RUNX1: variants seen among roughly 807,000 people sequenced by gnomAD.
RUNX1 encodes runt-related transcription factor 1.
In RUNX1, 19 loss-of-function variants were observed where a neutral mutation model predicts 42.8. The observed-to-expected ratio is 0.44, with a 90% CI of 0.31 to 0.65. The LOEUF (loss-of-function observed/expected upper bound fraction) is 0.65. Ranked by LOEUF, RUNX1 falls within the 30% of genes least tolerant of loss-of-function variation. RUNX1 has a pLI of 0.07. For synonymous variants in RUNX1, 271 were observed against 289.4 expected, an observed-to-expected ratio of 0.94 and a Z score of 0.64; for missense variants, 528 against 672.0, an observed-to-expected ratio of 0.79 and a Z score of 2.37.
At chr21:35,038,575 CT>C (rs1241354308) in intron 2 of RUNX1, 3 of 122,590 alleles carry the variant, frequency 2.4e-5, no homozygotes, top group Non-Finnish European at 1.8e-5. Flanking sequence ...ATGCTGGCCT[CT>C]CTCTCTCTCT....
At chr21:34,974,202 C>T (rs1569132879) in intron 2 of RUNX1, among the ~76,000 whole-genome samples, 3 of 152,214 alleles carry the variant, frequency 2.0e-5, no homozygotes, top group Admixed American at 6.5e-5. Context: ...AATCATCACA[C>T]GAGCAAGACT....
chr21:35,011,784 A>G (rs180949613), intron 2 of RUNX1, among the ~76,000 whole-genome samples: 5 of 152,278 alleles, frequency 3.3e-5, no homozygotes, highest in Admixed American at 6.5e-5. Context: ...GATTTAGGGC[A>G]CCCTCGCTAC....
intron 2 of RUNX1, among the ~76,000 whole-genome samples, chr21:34,976,507 G>A (rs2058803128): frequency 6.6e-6 from 1 of 152,144 alleles, no homozygotes; most frequent in African/African-American, 2.4e-5. Flanking sequence ...ATCCCCCTGG[G>A]TGCAATATTG....
intron 6 of RUNX1, among the ~76,000 whole-genome samples, chr21:34,842,339 A>T (rs996902750): frequency 6.6e-6 from 1 of 151,556 alleles, no homozygotes; most frequent in Non-Finnish European, 1.5e-5. Context: ...CTAAAAATAT[A>T]AAAAAATTAG....
At chr21:34,830,595 G>A (rs148918887) in intron 7 of RUNX1, among the ~76,000 whole-genome samples, 29 of 152,256 alleles carry the variant, frequency 1.9e-4, no homozygotes, top group African/African-American at 5.8e-4. Context: ...AAGAGTGCAC[G>A]CCCAGGGAAC....
rs113766536 is a variant in RUNX1 at position 34,910,788 on chromosome 21, C to CT, written c.59-17826dup. Among the ~76,000 whole-genome samples the CT allele has an allele frequency of 4.0e-3, 583 of 146,898 alleles. 1 individual carries two copies. The highest frequency in any genetic ancestry group is 7.0e-3 in the Middle Eastern group (2 of 284). On this transcript the variant is annotated intron_variant, in intron 2 of 8. Transcript: ENST00000675419. ...TTTTTGTCGTTATGTTATTGTTGTT[C>CT]TTTTTTTTTTTGAAACAAGGTCTCA...
rs768835446 is a variant in RUNX1, at chr21:34,788,762, C to T, written c.*3373G>A. The T allele has an allele frequency of 3.4e-5, 8 of 233,438 alleles. No individual in the cohort carries two copies. The highest frequency in any genetic ancestry group is 3.6e-4 in the South Asian group (2 of 5,518). 14.5% of individuals were successfully genotyped at this position (233,438 alleles called of 1,614,324 possible). A position where few individuals can be genotyped will look rare whatever the true frequency, so the allele number is the denominator to read the frequency against. ...AATCCCAAAACAAATGTATACGCTA[C>T]GGTAAACAAAAAGGCATTTTGTTCA... On this transcript the variant is annotated 3_prime_UTR_variant, in exon 9 of 9. Coordinates refer to ENST00000675419, the MANE Select transcript of RUNX1 (RefSeq NM_001754.5).
At chr21:34,998,837 G>A (rs964609139) in intron 2 of RUNX1, among the ~76,000 whole-genome samples, 14 of 152,102 alleles carry the variant, frequency 9.2e-5, no homozygotes, top group Admixed American at 2.6e-4. Context: ...CACCGTGCCC[G>A]GCCTCTTTTT....
At chr21:34,997,045 C>T (rs73900765) in intron 2 of RUNX1, among the ~76,000 whole-genome samples, 21,995 of 152,180 alleles carry the variant, frequency 0.14, 1,754 homozygotes, top group Admixed American at 0.22. Flanking sequence ...GAAATTTACT[C>T]GGGAGAAGAA....
chr21:34,993,772 C>T (rs1166636314), intron 2 of RUNX1, among the ~76,000 whole-genome samples: 1 of 136,596 alleles, frequency 7.3e-6, no homozygotes, highest in African/African-American at 3.6e-5. Flanking sequence ...CAGGCGCACA[C>T]ACACAGACAC....
intron 2 of RUNX1, among the ~76,000 whole-genome samples, chr21:34,968,853 C>G (rs2058739996): frequency 6.6e-6 from 1 of 152,152 alleles, no homozygotes; most frequent in African/African-American, 2.4e-5. Context: ...CTGAACTCTG[C>G]AGCGAGTGCC....
chr21:34,793,730 G>A (rs529746104), intron 8 of RUNX1, among the ~76,000 whole-genome samples: 1 of 150,180 alleles, frequency 6.7e-6, no homozygotes, highest in Admixed American at 6.6e-5. Flanking sequence ...TGGAGACAAA[G>A]TCTCGCTCTG....
intron 6 of RUNX1, among the ~76,000 whole-genome samples, chr21:34,847,332 G>A (rs2057330952): frequency 6.6e-6 from 1 of 152,038 alleles, no homozygotes; most frequent in African/African-American, 2.4e-5. Context: ...GATTCACAGT[G>A]GGGTCTGATT....
Position 34,907,962 on chromosome 21 carries a change from C to A in RUNX1, c.59-14999G>T, listed in dbSNP as rs1210733141. On this transcript the variant is annotated intron_variant, in intron 2 of 8. Transcript: ENST00000675419. This position sits in a 1 kb window ranked among gnomAD's most constrained non-coding sequence, Gnocchi z 5.3. The stretch of plus-strand genomic sequence containing the variant: ...GAAAAGTGAGTGGCTCTTCTAAGCT[C>A]CCGAAACAGTGGCTGATCTGGGACC... Among the ~76,000 whole-genome samples, 2 of 152,170 alleles carry A rather than the reference C, an allele frequency of 1.3e-5. No homozygotes were observed. The highest frequency in any genetic ancestry group is 2.9e-5 in the Non-Finnish European group (2 of 68,042).
intron 2 of RUNX1, among the ~76,000 whole-genome samples, chr21:34,932,980 A>G (rs1402894628): frequency 1.3e-5 from 2 of 152,080 alleles, no homozygotes; most frequent in Admixed American, 6.6e-5. Flanking sequence ...TTCTACTCCT[A>G]TTTCTCACTT....
intron 6 of RUNX1, 97 bp downstream of exon 6, chr21:34,859,377 G>A (rs1224111988): frequency 2.0e-6 from 2 of 1,025,508 alleles, no homozygotes; most frequent in African/African-American, 3.2e-5. Context: ...TGGGGGAAAG[G>A]TTGAACCCAA....
chr21:35,020,551 A>G (rs1240876553), intron 2 of RUNX1, among the ~76,000 whole-genome samples: 1 of 152,214 alleles, frequency 6.6e-6, no homozygotes, highest in African/African-American at 2.4e-5. Context: ...GCTTATGCAA[A>G]GGAATTTCCA....
chr21:34,835,478 A>C (rs772607495), intron 6 of RUNX1, among the ~76,000 whole-genome samples: 2 of 152,012 alleles, frequency 1.3e-5, no homozygotes, highest in Non-Finnish European at 2.9e-5. Flanking sequence ...AAGTGTCCTC[A>C]TCATGCTCTT....
intron 3 of RUNX1, among the ~76,000 whole-genome samples, chr21:34,890,133 G>T (rs979675669): frequency 2.0e-5 from 3 of 151,942 alleles, no homozygotes; most frequent in African/African-American, 4.8e-5. Flanking sequence ...GGGGTTGACT[G>T]GCGTGGAGGC....
Sources: gnomAD v4.1 joint callset for allele counts (sites outside exome capture counted in the v4.1 genomes callset) on GRCh38, gnomAD v4.1.1 for gene constraint, Gnocchi (gnomAD v3.1) non-coding constraint, MANE v1.5 for transcripts, NCBI Gene and HGNC (gene_info 2026-07-23, HGNC 2026-07-21) for gene names.